IL1RAPL1: variants seen among roughly 807,000 people sequenced by gnomAD.
The protein encoded by IL1RAPL1 is interleukin-1 receptor accessory protein-like 1.
In IL1RAPL1, 3 loss-of-function variants were observed where a neutral mutation model predicts 48.4. The ratio of observed to expected loss-of-function variants is 0.06; its 90% CI spans 0.03 to 0.16. IL1RAPL1 has a LOEUF of 0.16. Ranked by LOEUF, IL1RAPL1 falls within the 10% of genes least tolerant of loss-of-function variation. The pLI, the probability that IL1RAPL1 is intolerant of heterozygous loss-of-function variation, is 1.00. For missense variants in IL1RAPL1, 349 were observed against 530.6 expected, an observed-to-expected ratio of 0.66 and a Z score of 3.36; for synonymous variants, 185 against 187.7, an observed-to-expected ratio of 0.99 and a Z score of 0.12.
rs190248485 is a variant in IL1RAPL1 at position 28,799,654 on chromosome X, G to A, written c.82+10229G>A. Among the ~76,000 whole-genome samples the A allele has an allele frequency of 2.7e-5, 3 of 112,102 alleles. No homozygotes were observed. In the Admixed American group the frequency reaches 2.8e-4, roughly 11 times the overall value. On this transcript the variant is annotated intron_variant, in intron 2 of 10. Coordinates refer to ENST00000378993, the MANE Select transcript of IL1RAPL1 (RefSeq NM_014271.4). The stretch of plus-strand genomic sequence containing the variant: ...AACACTCCCTGTAGAAAAGACTAGG[G>A]TGGGATTCCAGAATGACCAGTAAGG...
chrX:29,434,288 A>G (rs939738828), intron 5 of IL1RAPL1, among the ~76,000 whole-genome samples: 1 of 110,046 alleles, frequency 9.1e-6, no homozygotes, highest in African/African-American at 3.3e-5. Context: ...TTTCATCTTT[A>G]TCTCTTTTGT....
At chrX:29,954,761 T>C in intron 10 of IL1RAPL1, 69 bp downstream of exon 10, 1 of 928,208 alleles carries the variant, frequency 1.1e-6, no homozygotes, top group Non-Finnish European at 1.6e-6. Context: ...CACTTTTTCA[T>C]GGAATTTTAA....
At chrX:29,129,689 G>C (rs1928979538) in intron 2 of IL1RAPL1, among the ~76,000 whole-genome samples, 1 of 98,523 alleles carries the variant, frequency 1.0e-5, no homozygotes, top group Non-Finnish European at 2.0e-5. Flanking sequence ...CCACCTCCTG[G>C]GTTCACGCCA....
chrX:29,769,957 A>G (rs1929019241), intron 6 of IL1RAPL1, among the ~76,000 whole-genome samples: 1 of 109,031 alleles, frequency 9.2e-6, no homozygotes, highest in South Asian at 4.0e-4. Context: ...TACCTTCCCA[A>G]TAAATATGCT....
chrX:29,196,357 A>C (rs1316386079), intron 2 of IL1RAPL1, among the ~76,000 whole-genome samples: 1 of 112,217 alleles, frequency 8.9e-6, no homozygotes, highest in Non-Finnish European at 1.9e-5. Flanking sequence ...CTGAAATATA[A>C]GTTCAGATAA....
At chrX:29,215,342 CA>C (rs748922177) in intron 2 of IL1RAPL1, among the ~76,000 whole-genome samples, 1,059 of 65,835 alleles carry the variant, frequency 0.016, 14 homozygotes, top group African/African-American at 0.043. Flanking sequence ...GACTCTGTCT[CA>C]AAAAAAAAAA....
In IL1RAPL1 at chrX:28,614,838, A is replaced by G. The variant is rs577408945; in HGVS notation, c.-25+26791A>G. ...GAGGCCATTGCTTGTGTTACAGTTC[A>G]CATCCCGGCTTTATGACCTTTGGTG... On this transcript the variant is annotated intron_variant, in intron 1 of 10. Transcript: ENST00000378993. Among the ~76,000 whole-genome samples, 123 of 111,655 alleles carry G rather than the reference A, an allele frequency of 1.1e-3. No individual in the cohort carries two copies. The Middle Eastern group carries it at 0.019, about 17-fold the overall frequency.
chrX:29,478,448 T>A (rs746019293), intron 5 of IL1RAPL1, among the ~76,000 whole-genome samples: 16 of 111,194 alleles, frequency 1.4e-4, no homozygotes, highest in Non-Finnish European at 2.6e-4. Flanking sequence ...CCCTGTTACA[T>A]CTCCCCCTGC....
intron 2 of IL1RAPL1, among the ~76,000 whole-genome samples, chrX:28,943,098 T>G (rs1339485634): frequency 9.1e-6 from 1 of 109,891 alleles, no homozygotes; most frequent in Non-Finnish European, 1.9e-5. Context: ...AGAATTACCT[T>G]TTATTTCTCA....
At chrX:29,630,785 A>G (rs1223370008) in intron 5 of IL1RAPL1, among the ~76,000 whole-genome samples, 9 of 111,679 alleles carry the variant, frequency 8.1e-5, no homozygotes, top group Non-Finnish European at 1.3e-4. Context: ...TGATCCGCCC[A>G]CCTCGGCCTC....
chrX:29,038,799 G>C (rs1926781496), intron 2 of IL1RAPL1, among the ~76,000 whole-genome samples: 1 of 110,752 alleles, frequency 9.0e-6, no homozygotes, highest in Admixed American at 9.6e-5. Context: ...TTTTCTTCTA[G>C]GGTCAAGACC....
chrX:28,815,839 G>GTATGTA (rs1467095474), intron 2 of IL1RAPL1, among the ~76,000 whole-genome samples: 65 of 29,099 alleles, frequency 2.2e-3, no homozygotes, highest in African/African-American at 5.6e-3. Context: ...GTGTGTTTAT[G>GTATGTA]TATATATATA....
intron 3 of IL1RAPL1, among the ~76,000 whole-genome samples, chrX:29,395,968 T>A (rs1402144627): frequency 8.9e-6 from 1 of 112,571 alleles, no homozygotes; most frequent in East Asian, 2.8e-4. Context: ...CTTCCTTTAT[T>A]TTTTTTCTAG....
intron 5 of IL1RAPL1, among the ~76,000 whole-genome samples, chrX:29,521,684 T>G (rs2147773070): frequency 9.0e-6 from 1 of 111,635 alleles, no homozygotes; most frequent in Admixed American, 9.5e-5. Context: ...ATCCTGGCTC[T>G]TAGTGCTTTG....
At chrX:29,076,814 A>G (rs966121075) in intron 2 of IL1RAPL1, among the ~76,000 whole-genome samples, 1 of 109,348 alleles carries the variant, frequency 9.1e-6, no homozygotes, top group South Asian at 4.0e-4. Flanking sequence ...CTATCTATCT[A>G]TCTATCTATC....
At chrX:29,936,811 G>A (rs972741967) in intron 8 of IL1RAPL1, among the ~76,000 whole-genome samples, 17 of 111,428 alleles carry the variant, frequency 1.5e-4, no homozygotes, top group South Asian at 7.5e-4. Flanking sequence ...GAGATGGCAC[G>A]CACTTTATTT....
chrX:29,114,541 T>C (rs1166942070), intron 2 of IL1RAPL1, among the ~76,000 whole-genome samples: 1 of 112,184 alleles, frequency 8.9e-6, no homozygotes, highest in Non-Finnish European at 1.9e-5. Context: ...CTTTAAATAT[T>C]GGATATTTTG....
At chrX:28,855,436 A>G (rs1921780602) in intron 2 of IL1RAPL1, among the ~76,000 whole-genome samples, 1 of 111,949 alleles carries the variant, frequency 8.9e-6, no homozygotes, top group African/African-American at 3.2e-5. Context: ...AAATAAATTA[A>G]TGAATAAATT....
At chrX:29,859,940 C>T (rs759849822) in intron 6 of IL1RAPL1, among the ~76,000 whole-genome samples, 160 of 112,010 alleles carry the variant, frequency 1.4e-3, no homozygotes, top group Non-Finnish European at 2.0e-3. Context: ...GAGCATAAGA[C>T]GATTAGTACA....
Sources: gnomAD v4.1 joint callset for allele counts (sites outside exome capture counted in the v4.1 genomes callset) on GRCh38, gnomAD v4.1.1 for gene constraint, MANE v1.5 for transcripts, NCBI Gene and HGNC (gene_info 2026-07-23, HGNC 2026-07-21) for gene names.